Variants in MTMR9 observed in about 807,000 individuals in gnomAD.
The protein encoded by MTMR9 is myotubularin related protein 9.
A neutral mutation model predicts 69.5 loss-of-function variants in MTMR9; 39 were observed. The ratio of observed to expected loss-of-function variants is 0.56; its 90% CI spans 0.43 to 0.73. The LOEUF (loss-of-function observed/expected upper bound fraction) is 0.73, where lower values mean the gene tolerates loss of function less well. Among genes scored for constraint, MTMR9 ranks in the 30% least tolerant of loss-of-function variants. The probability of loss-of-function intolerance (pLI) is 0.00; values close to 1 mark genes in which losing one functional copy is unlikely to be tolerated. For synonymous variants in MTMR9, 354 were observed against 240.8 expected, an observed-to-expected ratio of 1.47 and a Z score of -4.35; for missense variants, 900 against 671.2, an observed-to-expected ratio of 1.34 and a Z score of -3.77.
chr8:11,316,889 G>C lies in MTMR9; in HGVS notation c.1330G>C (p.Glu444Gln). Residue 444 changes from glutamate to glutamine, a missense_variant, in exon 8 of 10, where the codon GAA becomes CAA. Transcript: ENST00000221086. ...FGTFLGNNES[E>Q]RCKLKLQQKT... is the part of the protein sequence containing the mutation. ...AACATTTCTGGGCAACAATGAAAGT[G>C]AAAGGTGAGTACACTGCTCACATGG... The C allele has an allele frequency of 1.3e-6, 2 of 1,594,320 alleles. No individual in the cohort carries two copies. The highest frequency in any genetic ancestry group is 1.7e-6 in the Non-Finnish European group (2 of 1,170,430).
rs879584013 is a variant in MTMR9, at chr8:11,298,731, G to A, written c.292-1292G>A. The stretch of plus-strand genomic sequence containing the variant: ...CCTTTCCCCGCTGCACCCCCCCCCC[G>A]CCATCCAGTATAGAAATACTTTTTT... On this transcript the variant is annotated intron_variant, in intron 2 of 9. Transcript: ENST00000221086. 31 of 539,144 alleles carry A rather than the reference G, an allele frequency of 5.7e-5. No individual in the cohort carries two copies. In the East Asian group the frequency reaches 9.2e-4, roughly 16 times the overall value. The allele number at this position is 539,144 out of a possible 1,614,324, so 33.4% of individuals were successfully genotyped here. A position where few individuals can be genotyped will look rare whatever the true frequency, so the allele number is the denominator to read the frequency against.
At chr8:11,314,779 A>G (rs1235842946) in intron 6 of MTMR9, 144 bp from the exon 7 acceptor site, 3 of 646,622 alleles carry the variant, frequency 4.6e-6, no homozygotes, top group African/African-American at 1.8e-5. Flanking sequence ...TCTACAAGTC[A>G]GAGCAGAATG....
chr8:11,296,024 C>T (rs887050189), intron 2 of MTMR9, among the ~76,000 whole-genome samples: 1 of 151,900 alleles, frequency 6.6e-6, no homozygotes, highest in Non-Finnish European at 1.5e-5. Flanking sequence ...ACTAGTATAT[C>T]TTTTGTAATA....
the MTMR9 span, among the ~76,000 whole-genome samples, chr8:11,338,876 G>A: frequency 1.3e-5 from 2 of 152,122 alleles, no homozygotes; most frequent in African/African-American, 4.8e-5. Flanking sequence ...AGAGACACGT[G>A]GTCATTTACC....
intron 8 of MTMR9, 197 bp downstream of exon 8, chr8:11,317,090 T>G: frequency 2.5e-6 from 1 of 398,656 alleles, no homozygotes; most frequent in Non-Finnish European, 4.4e-6. Flanking sequence ...CTTTGTTCTG[T>G]TAGGTTAAAA....
intron 1 of MTMR9, among the ~76,000 whole-genome samples, chr8:11,293,807 A>G (rs1563266690): frequency 6.7e-6 from 1 of 149,150 alleles, no homozygotes; most frequent in Non-Finnish European, 1.5e-5. Context: ...CCATTTGTTG[A>G]AAAGACTGAC....
the MTMR9 span, among the ~76,000 whole-genome samples, chr8:11,337,932 A>T: frequency 6.6e-6 from 1 of 152,360 alleles, no homozygotes; most frequent in Non-Finnish European, 1.5e-5. Flanking sequence ...GACAATGAAT[A>T]TAAATAGAAT....
At chr8:11,309,425 C>G in intron 5 of MTMR9, 102 bp from the exon 6 acceptor site, 2 of 929,176 alleles carry the variant, frequency 2.2e-6, no homozygotes, top group Non-Finnish European at 3.2e-6. Context: ...GTATTTTGAA[C>G]TACTTTTGCT....
the MTMR9 span, among the ~76,000 whole-genome samples, chr8:11,339,295 C>T: frequency 6.6e-6 from 1 of 152,200 alleles, no homozygotes; most frequent in Non-Finnish European, 1.5e-5. Flanking sequence ...AATTGGTATA[C>T]TATTTATCTG....
chr8:11,303,734 A>C (rs1585119105), intron 3 of MTMR9, among the ~76,000 whole-genome samples: 1 of 152,116 alleles, frequency 6.6e-6, no homozygotes, highest in African/African-American at 2.4e-5. Context: ...GGGTTTGGCC[A>C]TGTTGCCCTG....
Position 11,300,031 on chromosome 8 carries a change from T to C in MTMR9, c.300T>C (p.Ser100=). The change falls in exon 3 of 10, where the codon TCT becomes TCC. Residue 100 remains serine, a synonymous_variant. Transcript: ENST00000221086. ...LNIASSIEAL[S]TLDSITLMYP... is the part of the protein sequence containing the mutation. ...TTTCTTTTTGCCCCCAGGCATTGTC[T>C]ACTCTGGACTCCATCACTCTGATGT... is the stretch of plus-strand genomic sequence containing the variant. 6.2e-7 allele frequency: 1 copy of C among 1,611,704 alleles called. No individual in the cohort carries two copies. The highest frequency in any genetic ancestry group is 2.2e-5 in the East Asian group (1 of 44,792).
intron 4 of MTMR9, among the ~76,000 whole-genome samples, chr8:11,305,849 T>C (rs999708689): frequency 3.3e-5 from 5 of 152,244 alleles, no homozygotes; most frequent in African/African-American, 1.2e-4. Flanking sequence ...AGTCAAGGTT[T>C]ACTGGCTCAT....
downstream of MTMR9, chr8:11,331,320 C>A (rs1563297426): frequency 6.2e-7 from 1 of 1,613,998 alleles, no homozygotes; most frequent in East Asian, 2.2e-5. Flanking sequence ...CTCGCTGGAG[C>A]TGCTCATCTG....
chr8:11,297,832 C>T (rs1799613671), intron 2 of MTMR9: 1 of 455,796 alleles, frequency 2.2e-6, no homozygotes, highest in Non-Finnish European at 4.4e-6. Context: ...AATGAATGCT[C>T]TGTTAAATGT....
downstream of MTMR9, chr8:11,331,414 G>T: frequency 6.2e-7 from 1 of 1,613,866 alleles, no homozygotes; most frequent in Non-Finnish European, 8.5e-7. Flanking sequence ...ATCCGAGGCT[G>T]GGCCTGCTTC....
chr8:11,309,493 G>A (rs1219754920), intron 5 of MTMR9, 34 bp from the exon 6 acceptor site: 1 of 1,553,950 alleles, frequency 6.4e-7, no homozygotes, highest in South Asian at 1.2e-5. Context: ...CTATTTTCTG[G>A]GTTTGTTATT....
intron 4 of MTMR9, among the ~76,000 whole-genome samples, chr8:11,305,301 G>A (rs1799898718): frequency 6.6e-6 from 1 of 152,188 alleles, no homozygotes; most frequent in Admixed American, 6.5e-5. Flanking sequence ...GATGCTTACA[G>A]CAACATTCTT....
chr8:11,329,362 G>A (rs530488453), downstream of MTMR9, among the ~76,000 whole-genome samples: 4 of 152,210 alleles, frequency 2.6e-5, no homozygotes, highest in Admixed American at 2.0e-4. Flanking sequence ...CTCTGATGCC[G>A]AGCCAAAGCT....
At chr8:11,302,555 G>C (rs1359937574) in intron 3 of MTMR9, among the ~76,000 whole-genome samples, 1 of 152,040 alleles carries the variant, frequency 6.6e-6, no homozygotes, top group Non-Finnish European at 1.5e-5. Flanking sequence ...TATGATAAAA[G>C]CTCTTAGAGT....
Sources: allele counts gnomAD v4.1 joint callset (sites outside exome capture counted in the v4.1 genomes callset), GRCh38; gene constraint gnomAD v4.1.1; transcripts MANE v1.5; gene names NCBI Gene and HGNC (gene_info 2026-07-23, HGNC 2026-07-21).